The following PCDH15 variants were observed in gnomAD, a reference collection of about 807,000 sequenced individuals.
PCDH15 encodes protocadherin related 15.
PCDH15 carries 129 observed loss-of-function variants against 178.5 expected under a neutral mutation model. The observed-to-expected ratio is 0.72, with a 90% CI of 0.63 to 0.84. The LOEUF (loss-of-function observed/expected upper bound fraction) is 0.84. Ranked by LOEUF, PCDH15 falls within the 40% of genes least tolerant of loss-of-function variation. The pLI, the probability that PCDH15 is intolerant of heterozygous loss-of-function variation, is 0.00. For synonymous variants in PCDH15, 800 were observed against 732.0 expected, an observed-to-expected ratio of 1.09 and a Z score of -1.50; for missense variants, 2,230 against 2,099.9, an observed-to-expected ratio of 1.06 and a Z score of -1.21.
chr10:54,426,713 A>G (rs1450389523), intron 3 of PCDH15, among the ~76,000 whole-genome samples: 1 of 151,974 alleles, frequency 6.6e-6, no homozygotes. Context: ...CACAGTCTCC[A>G]CTTTTACACG....
intron 13 of PCDH15, among the ~76,000 whole-genome samples, chr10:54,178,035 T>C (rs2047614630): frequency 6.6e-6 from 1 of 152,014 alleles, no homozygotes; most frequent in South Asian, 2.1e-4. Flanking sequence ...AGAAGAAGTA[T>C]ATATACGTAT....
At chr10:54,942,793 A>G (rs1377993541) in intron 2 of PCDH15, among the ~76,000 whole-genome samples, 2 of 152,068 alleles carry the variant, frequency 1.3e-5, no homozygotes, top group Non-Finnish European at 2.9e-5. Flanking sequence ...TTAGAGAACC[A>G]CTGAATAATA....
chr10:55,210,626 T>TTC (rs1840541382), intron 1 of PCDH15, among the ~76,000 whole-genome samples: 1 of 119,136 alleles, frequency 8.4e-6, no homozygotes, highest in Non-Finnish European at 1.8e-5. Flanking sequence ...TTCTTTTTTT[T>TTC]TTTTTTTTTT....
chr10:54,578,858 A>G (rs1468572115), intron 2 of PCDH15, among the ~76,000 whole-genome samples: 1 of 152,136 alleles, frequency 6.6e-6, no homozygotes, highest in African/African-American at 2.4e-5. Flanking sequence ...TCAACACTCT[A>G]AAAGAACTTA....
intron 1 of PCDH15, among the ~76,000 whole-genome samples, chr10:54,718,752 TA>T (rs1566027807): frequency 7.0e-6 from 1 of 142,986 alleles, no homozygotes; most frequent in Non-Finnish European, 1.5e-5. Context: ...AATGCAGTGG[TA>T]CAATCTCGGC....
At chr10:54,864,215 C>A (rs1009250692) in intron 3 of PCDH15, among the ~76,000 whole-genome samples, 5 of 151,986 alleles carry the variant, frequency 3.3e-5, no homozygotes, top group Non-Finnish European at 5.9e-5. Flanking sequence ...CCTGATATTC[C>A]ACAGAATCAG....
At chr10:54,343,076 G>A (rs1181331361) in intron 6 of PCDH15, among the ~76,000 whole-genome samples, 1 of 152,120 alleles carries the variant, frequency 6.6e-6, no homozygotes, top group Non-Finnish European at 1.5e-5. Context: ...AATGATTTAA[G>A]ACTTTAGGGA....
chr10:55,521,480 C>A (rs1438937306), intron 2 of PCDH15, among the ~76,000 whole-genome samples: 11 of 151,792 alleles, frequency 7.2e-5, no homozygotes, highest in Admixed American at 6.6e-4. Context: ...ACTATCAATT[C>A]TTTGTAAGTC....
intron 28 of PCDH15, among the ~76,000 whole-genome samples, chr10:53,842,937 G>C (rs1157014386): frequency 6.6e-6 from 1 of 152,040 alleles, no homozygotes; most frequent in East Asian, 1.9e-4. Flanking sequence ...CTTCATATAA[G>C]CATAGATTAA....
chr10:55,351,591 C>A (rs1844936567), intron 2 of PCDH15, among the ~76,000 whole-genome samples: 1 of 152,104 alleles, frequency 6.6e-6, no homozygotes, highest in Admixed American at 6.6e-5. Flanking sequence ...TCAAACCAAG[C>A]CACTTCAAGT....
chr10:54,080,434 G>A (rs1380354017), intron 16 of PCDH15, among the ~76,000 whole-genome samples: 1 of 151,986 alleles, frequency 6.6e-6, no homozygotes, highest in Non-Finnish European at 1.5e-5. Flanking sequence ...TTTTAATCGA[G>A]CCTAACAAGT....
intron 3 of PCDH15, among the ~76,000 whole-genome samples, chr10:54,450,937 G>C (rs565545419): frequency 2.2e-3 from 336 of 151,954 alleles, no homozygotes; most frequent in African/African-American, 7.5e-3. Flanking sequence ...GCAATTTAAT[G>C]TGAATGTTTT....
chr10:54,763,687 G>A (rs77283352), intron 1 of PCDH15, among the ~76,000 whole-genome samples: 2,864 of 150,302 alleles, frequency 0.019, 93 homozygotes, highest in African/African-American at 0.064. Flanking sequence ...TGATTTTTAC[G>A]TGTGGTATGC....
chr10:55,582,620 A>ATTTTTT (rs1350113539), intron 2 of PCDH15, among the ~76,000 whole-genome samples: 43 of 87,518 alleles, frequency 4.9e-4, no homozygotes, highest in Middle Eastern at 0.013. Flanking sequence ...ATATATATAT[A>ATTTTTT]TATATATATT....
intron 1 of PCDH15, among the ~76,000 whole-genome samples, chr10:54,775,663 C>T (rs1402093577): frequency 2.0e-5 from 3 of 152,024 alleles, no homozygotes; most frequent in Admixed American, 2.0e-4. Flanking sequence ...TCTGGGAGGC[C>T]GAGGCGGGCG....
intron 2 of PCDH15, among the ~76,000 whole-genome samples, chr10:55,477,318 T>G (rs372927305): frequency 6.6e-6 from 1 of 151,868 alleles, no homozygotes; most frequent in African/African-American, 2.4e-5. Context: ...CTCCTCAGGC[T>G]GGGTTTGAGC....
intron 1 of PCDH15, among the ~76,000 whole-genome samples, chr10:55,296,143 G>A (rs1843125915): frequency 2.0e-5 from 3 of 152,264 alleles, no homozygotes; most frequent in Admixed American, 6.5e-5. Context: ...GGGGTGTGGA[G>A]CTTCCATGGT....
At chr10:55,565,692 A>G (rs2132103921) in intron 2 of PCDH15, among the ~76,000 whole-genome samples, 1 of 151,784 alleles carries the variant, frequency 6.6e-6, no homozygotes, top group South Asian at 2.1e-4. Context: ...AAAATGGACT[A>G]TAAGAGAGTA....
chr10:55,262,073 A>G (rs1171885009), intron 1 of PCDH15, among the ~76,000 whole-genome samples: 1 of 128,132 alleles, frequency 7.8e-6, no homozygotes, highest in Non-Finnish European at 1.7e-5. Context: ...GGAAAGAGAT[A>G]AAGGAAAGGA....
Sources: allele counts gnomAD v4.1 joint callset (sites outside exome capture counted in the v4.1 genomes callset), GRCh38; gene constraint gnomAD v4.1.1; transcripts MANE v1.5; gene names NCBI Gene and HGNC (gene_info 2026-07-23, HGNC 2026-07-21).